The following MARK4 variants were observed in gnomAD, a reference collection of about 807,000 sequenced individuals.
MARK4 encodes MAP/microtubule affinity-regulating kinase 4.
In MARK4, 19 loss-of-function variants were observed where a neutral mutation model predicts 81.5. That is an observed-to-expected ratio of 0.23 (90% CI 0.16 to 0.34). The LOEUF (loss-of-function observed/expected upper bound fraction) is 0.34. Among genes scored for constraint, MARK4 ranks in the 10% least tolerant of loss-of-function variants. MARK4 has a pLI of 1.00. For missense variants in MARK4, 772 were observed against 1,058.8 expected, an observed-to-expected ratio of 0.73 and a Z score of 3.76; for synonymous variants, 436 against 439.0, an observed-to-expected ratio of 0.99 and a Z score of 0.08.
chr19:45,264,654 A>G, intron 4 of MARK4, 30 bp from the exon 5 acceptor site: 1 of 1,608,932 alleles, frequency 6.2e-7, no homozygotes, highest in Non-Finnish European at 8.5e-7. Context: ...CTTTCTCCCT[A>G]ATGCCCTACA....
In MARK4 at chr19:45,262,791, G is replaced by A. The variant is rs139755355; in HGVS notation, c.253-322G>A. On this transcript the variant is annotated intron_variant, in intron 2 of 16. Coordinates refer to ENST00000262891, the MANE Select transcript of MARK4 (RefSeq NM_001199867.2). ...AGGGGGCAAAGGAAGGATATCCCAG[G>A]GTGATCTGAGCTGGGCCAGCTGGAG... 1.1e-4 allele frequency among the ~76,000 whole-genome samples: 16 copies of A among 152,290 alleles called. No individual in the cohort carries two copies. The East Asian group carries it at 2.5e-3, about 24-fold the overall frequency.
At position 45,263,507 on chromosome 19, in the gene MARK4, C is replaced by T. The variant is rs1317035955; in HGVS notation, c.355+140C>T. ...CTGTAATCCCAGCACTTAGGGAGGC[C>T]GAGGCGGGTGGATCACTTGAGGTCA... On this transcript the variant is annotated intron_variant, in intron 4 of 16. Coordinates refer to ENST00000262891, the MANE Select transcript of MARK4 (RefSeq NM_001199867.2). 17 of 1,002,036 alleles carry T rather than the reference C, an allele frequency of 1.7e-5. No individual in the cohort carries two copies. In the South Asian group the frequency reaches 1.8e-4, roughly 10 times the overall value. The allele number at this position is 1,002,036 out of a possible 1,614,324, so 62.1% of individuals were successfully genotyped here. A position where few individuals can be genotyped will look rare whatever the true frequency, so the allele number is the denominator to read the frequency against.
intron 6 of MARK4, among the ~76,000 whole-genome samples, chr19:45,265,747 G>A (rs1454495666): frequency 6.8e-6 from 1 of 147,676 alleles, no homozygotes; most frequent in African/African-American, 2.5e-5. Flanking sequence ...AGGGTGCCAG[G>A]TGTGTGGGGT....
At chr19:45,258,284 C>T (rs1369179317) in intron 1 of MARK4, among the ~76,000 whole-genome samples, 4 of 152,210 alleles carry the variant, frequency 2.6e-5, no homozygotes, top group East Asian at 1.9e-4. Flanking sequence ...TGCACCTGGC[C>T]ACCTGGCCCA....
chr19:45,282,179 T>C (rs1033367695), intron 12 of MARK4, among the ~76,000 whole-genome samples: 4 of 147,778 alleles, frequency 2.7e-5, no homozygotes, highest in East Asian at 2.0e-4. Flanking sequence ...GCCGAGATCA[T>C]GCCATTGCAC....
intron 2 of MARK4, among the ~76,000 whole-genome samples, chr19:45,260,825 C>T (rs1179572953): frequency 1.3e-5 from 2 of 152,160 alleles, no homozygotes; most frequent in African/African-American, 2.4e-5. Context: ...GAGAACACAG[C>T]AGGTTTATTT....
chr19:45,278,066 G>A (rs372695560), intron 9 of MARK4, 24 bp downstream of exon 9: 42 of 1,611,478 alleles, frequency 2.6e-5, no homozygotes, highest in African/African-American at 9.4e-5. Flanking sequence ...CACAGCCAGC[G>A]GGAGCCCTTC....
In MARK4 at chr19:45,302,501, G is replaced by A. The variant is rs760675146; in HGVS notation, c.2050G>A (p.Ala684Thr). 13 of 1,603,868 alleles carry A rather than the reference G, an allele frequency of 8.1e-6. No homozygotes were observed. Among genetic ancestry groups the A allele is most frequent in the Admixed American group, 3.3e-5 (2 of 59,928 alleles). ...MAALRQATAA[A>T]RCRCRQPQPF... ...AGCTCTGCGCCAGGCCACAGCAGCC[G>A]CCCGCTGCCGCTGCCGCCAGCCACA... Residue 684 changes from alanine to threonine, a missense_variant, in exon 17 of 17, where the codon GCC becomes ACC. Physicochemically the swap from Ala to Thr is moderately conservative, Grantham distance 58 (BLOSUM62 0). Coordinates refer to ENST00000262891, the MANE Select transcript of MARK4 (RefSeq NM_001199867.2). This position sits in a 1 kb window ranked among gnomAD's most constrained non-coding sequence, Gnocchi z 4.9.
At chr19:45,300,688 C>G (rs1385972557) in intron 16 of MARK4, among the ~76,000 whole-genome samples, 2 of 152,128 alleles carry the variant, frequency 1.3e-5, no homozygotes, top group Non-Finnish European at 2.9e-5. Flanking sequence ...TCTGAGTTCC[C>G]GGTTTAGAGA....
chr19:45,251,314 G>GGCCGGCTCCGC lies in MARK4; in HGVS notation c.-271_-261dup, dbSNP rs1470873744. 6.9e-6 allele frequency: 1 copy of GGCCGGCTCCGC among 144,612 alleles called. No individual in the cohort carries two copies. Among genetic ancestry groups the GGCCGGCTCCGC allele is most frequent in the African/African-American group, 2.6e-5 (1 of 37,892 alleles). The allele number at this position is 144,612 out of a possible 1,614,324, so 9.0% of individuals were successfully genotyped here. A position where few individuals can be genotyped will look rare whatever the true frequency, so the allele number is the denominator to read the frequency against. On this transcript the variant is annotated 5_prime_UTR_variant, in exon 1 of 17. Transcript: ENST00000262891. ...CACCGCCTCCCTCCGCCGCCGCTTG[G>GGCCGGCTCCGC]GCCGGCTCCGCGCCCCCTCCGCGGC...
intron 4 of MARK4, 61 bp downstream of exon 4, chr19:45,263,428 G>A (rs1970405911): frequency 1.2e-5 from 19 of 1,605,610 alleles, no homozygotes; most frequent in South Asian, 7.7e-5. Flanking sequence ...AGGAGTTGGG[G>A]GTGGTGGCAG....
intron 13 of MARK4, among the ~76,000 whole-genome samples, chr19:45,291,427 C>T (rs1970818591): frequency 1.3e-5 from 2 of 152,190 alleles, no homozygotes; most frequent in South Asian, 4.1e-4. Flanking sequence ...CGGTGAATCA[C>T]TTGAGGTCAG....
Position 45,299,818 on chromosome 19 carries a change from G to A in MARK4, c.1885G>A (p.Asp629Asn). The change falls in exon 16 of 17, where the codon GAC (aspartate) becomes AAC (asparagine). Residue 629 changes from aspartate (D) to asparagine (N), a missense_variant. Physicochemically the swap from Asp to Asn is conservative, Grantham distance 23. This residue lies in a region of MARK4 where 548 missense variants were observed against 624.3 expected (regional missense o/e 0.88). Coordinates refer to ENST00000262891, the MANE Select transcript of MARK4 (RefSeq NM_001199867.2). ...CCCCCTCCCCTCCCCTAGGGTCGCA[G>A]ACGAACCTGAGAGAATCGGGGGACC... ...LTSKLTRRVA[D>N]EPERIGGPEV... 2 of 1,605,490 alleles carry A rather than the reference G, an allele frequency of 1.2e-6. No homozygotes were observed.
intron 8 of MARK4, among the ~76,000 whole-genome samples, chr19:45,272,881 C>T (rs1033175937): frequency 1.3e-5 from 2 of 152,128 alleles, no homozygotes; most frequent in African/African-American, 4.8e-5. Flanking sequence ...GAGCGAGACT[C>T]TGTCTCAAAA....
At chr19:45,287,335 C>A in intron 12 of MARK4, 112 bp from the exon 13 acceptor site, 1 of 660,548 alleles carries the variant, frequency 1.5e-6, no homozygotes, top group East Asian at 3.0e-5. Context: ...GTCAGAATGG[C>A]CCACACAGAG....
chr19:45,258,320 A>G (rs551393423), intron 1 of MARK4, among the ~76,000 whole-genome samples: 1 of 152,330 alleles, frequency 6.6e-6, no homozygotes, highest in Admixed American at 6.5e-5. Flanking sequence ...CTGGGAATCC[A>G]AAAGATTCAT....
In MARK4 at chr19:45,264,827, C is replaced by G. The variant is rs780639619; in HGVS notation, c.422-13C>G. 3 of 1,614,002 alleles carry G rather than the reference C, an allele frequency of 1.9e-6. No homozygotes were observed. In the African/African-American group the frequency reaches 4.0e-5, roughly 22 times the overall value. On this transcript the variant is annotated splice_polypyrimidine_tract_variant and intron_variant, in intron 5 of 16. Transcript: ENST00000262891. The stretch of plus-strand genomic sequence containing the variant: ...GCACCTGACCCTGACCCCGCTCGGC[C>G]TCTGCCCTGCAGGAGAAGTGTTTGA...
intron 8 of MARK4, among the ~76,000 whole-genome samples, chr19:45,273,490 C>A (rs1189618002): frequency 1.3e-5 from 2 of 152,208 alleles, no homozygotes; most frequent in Non-Finnish European, 2.9e-5. Flanking sequence ...TCCATCATCC[C>A]AGGAATATCT....
At chr19:45,293,514 A>C (rs1450817733) in intron 13 of MARK4, among the ~76,000 whole-genome samples, 1 of 152,266 alleles carries the variant, frequency 6.6e-6, no homozygotes, top group Non-Finnish European at 1.5e-5. Flanking sequence ...AAACCTGAAC[A>C]GTCTTATATT....
Sources: gnomAD v4.1 joint callset for allele counts (sites outside exome capture counted in the v4.1 genomes callset) on GRCh38, gnomAD v4.1.1 for gene constraint, gnomAD v4.1.1 regional missense constraint, Gnocchi (gnomAD v3.1) non-coding constraint, MANE v1.5 for transcripts, NCBI Gene and HGNC (gene_info 2026-07-23, HGNC 2026-07-21) for gene names.